PIP: variants seen among roughly 807,000 people sequenced by gnomAD.
PIP encodes prolactin-inducible protein.
In PIP, 9 loss-of-function variants were observed where a neutral mutation model predicts 12.8. The observed-to-expected ratio is 0.70, with a 90% CI of 0.42 to 1.23. The LOEUF (loss-of-function observed/expected upper bound fraction) is 1.23. Ranked by LOEUF, PIP falls within the 50% of genes most tolerant of loss-of-function variation. The pLI, the probability that PIP is intolerant of heterozygous loss-of-function variation, is 0.00. For missense variants in PIP, 172 were observed against 179.5 expected (o/e 0.96, Z 0.24); for synonymous variants, 60 against 66.1 (o/e 0.91, Z 0.45).
At chr7:143,139,051 C>A in intron 2 of PIP, 24 bp from the exon 3 acceptor site, 1 of 1,121,638 alleles carries the variant, frequency 8.9e-7, no homozygotes, top group Non-Finnish European at 1.4e-6. Flanking sequence ...CAATGAATTC[C>A]CCCTCCCACC....
rs768888440 is a variant in PIP, at chr7:143,139,536, C to G, written c.335C>G (p.Ala112Gly). The G allele has an allele frequency of 6.2e-7, 1 of 1,613,276 alleles. No homozygotes were observed. The highest frequency in any genetic ancestry group is 1.1e-5 in the South Asian group (1 of 91,064). The part of the protein sequence containing the change: ...FYTNRTVQIA[A>G]VVDVIRELGI... ...TTTTCAGGAACTGTGCAAATTGCAG[C>G]CGTCGTTGATGTTATTCGGGAATTA... The change falls in exon 4 of 4, where the codon GCC (alanine) becomes GGC (glycine). Residue 112 changes from alanine (A) to glycine (G), a missense_variant. Coordinates refer to ENST00000291009, the MANE Select transcript of PIP (RefSeq NM_002652.3).
chr7:143,136,918 A>C (rs1299370180), intron 2 of PIP, among the ~76,000 whole-genome samples: 1 of 151,852 alleles, frequency 6.6e-6, no homozygotes. Flanking sequence ...TCTAGTCAAC[A>C]AATTTTTATT....
chr7:143,132,121 G>A lies in PIP; in HGVS notation c.5G>A (p.Arg2His), dbSNP rs1438324505. Reference protein sequence around the residue: MRLLQLLFRASP... With the variant: MHLLQLLFRASP... ...TTGCCTTCTGTTTTCTCCAGCATGC[G>A]CTTGCTCCAGCTCCTGTTCAGGGCC... is the stretch of plus-strand genomic sequence containing the variant. Residue 2 changes from arginine (R) to histidine (H), a missense_variant, in exon 1 of 4, where the codon CGC becomes CAC. Physicochemically the swap from Arg to His is conservative, Grantham distance 29. Coordinates refer to ENST00000291009, the MANE Select transcript of PIP (RefSeq NM_002652.3). 12 of 1,612,506 alleles carry A rather than the reference G, an allele frequency of 7.4e-6. No individual in the cohort carries two copies. Among genetic ancestry groups the A allele is most frequent in the East Asian group, 2.2e-5 (1 of 44,866 alleles).
At chr7:143,135,102 C>A in intron 1 of PIP, 92 bp from the exon 2 acceptor site, 2 of 612,018 alleles carry the variant, frequency 3.3e-6, no homozygotes, top group Non-Finnish European at 3.0e-6. Context: ...CTCCCTTGCC[C>A]ATCCTGTGCC....
intron 2 of PIP, 112 bp downstream of exon 2, chr7:143,135,411 A>G: frequency 3.8e-6 from 2 of 519,756 alleles, no homozygotes; most frequent in South Asian, 6.4e-5. Flanking sequence ...AAACATTCTC[A>G]CTTATGTTAT....
intron 2 of PIP, among the ~76,000 whole-genome samples, chr7:143,135,806 T>G (rs1799304050): frequency 6.6e-6 from 1 of 152,042 alleles, no homozygotes; most frequent in Non-Finnish European, 1.5e-5. Context: ...AGAAGTGGAC[T>G]CTTGTTCCAG....
At chr7:143,137,049 G>T (rs1223467859) in intron 2 of PIP, among the ~76,000 whole-genome samples, 1 of 151,376 alleles carries the variant, frequency 6.6e-6, no homozygotes, top group Non-Finnish European at 1.5e-5. Flanking sequence ...TTCTGTAACT[G>T]AATTTTTGAA....
intron 2 of PIP, among the ~76,000 whole-genome samples, chr7:143,136,744 G>C (rs1226442833): frequency 6.6e-6 from 1 of 151,932 alleles, no homozygotes; most frequent in Non-Finnish European, 1.5e-5. Flanking sequence ...ATAATTTTGT[G>C]CTTTTGTGAT....
intron 1 of PIP, 82 bp downstream of exon 1, chr7:143,132,293 T>C: frequency 6.7e-7 from 1 of 1,496,682 alleles, no homozygotes; most frequent in South Asian, 1.2e-5. Flanking sequence ...TATCTCTTTC[T>C]GAGAATTTCT....
chr7:143,135,137 C>A, intron 1 of PIP, 57 bp from the exon 2 acceptor site: 1 of 875,770 alleles, frequency 1.1e-6, no homozygotes, highest in Non-Finnish European at 1.9e-6. Context: ...TGGCTCCCCC[C>A]TCACTCAAAG....
At chr7:143,133,777 T>C (rs1047112951) in intron 1 of PIP, among the ~76,000 whole-genome samples, 1 of 151,928 alleles carries the variant, frequency 6.6e-6, no homozygotes, top group Non-Finnish European at 1.5e-5. Flanking sequence ...TACAAATACC[T>C]CCAGTGCATT....
At chr7:143,137,366 T>C (rs956642439) in intron 2 of PIP, among the ~76,000 whole-genome samples, 3 of 152,134 alleles carry the variant, frequency 2.0e-5, no homozygotes, top group Non-Finnish European at 4.4e-5. Flanking sequence ...TGTGTTTCTT[T>C]ATGCACACAT....
intron 2 of PIP, among the ~76,000 whole-genome samples, chr7:143,137,671 G>A (rs980419975): frequency 1.3e-5 from 2 of 152,046 alleles, no homozygotes; most frequent in Admixed American, 6.6e-5. Context: ...AGGCCAAAGT[G>A]GGCAGATCAC....
At position 143,139,136 on chromosome 7, in the gene PIP, C is replaced by A; in HGVS notation, c.263C>A (p.Ala88Asp). 1 of 1,605,982 alleles carries A rather than the reference C, an allele frequency of 6.2e-7. No homozygotes were observed. Among genetic ancestry groups the A allele is most frequent in the Non-Finnish European group, 8.5e-7 (1 of 1,172,494 alleles). ...GGTGCATTTAACTATAAGTATACTG[C>A]CTGCCTATGTGACGACAATCCAAAA... is the stretch of plus-strand genomic sequence containing the variant. ...LQGAFNYKYTACLCDDNPKTF... is the reference protein window; with the variant it reads ...LQGAFNYKYTDCLCDDNPKTF... Residue 88 changes from alanine (A) to aspartate (D), a missense_variant, in exon 3 of 4, where the codon GCC becomes GAC. Physicochemically the swap from Ala to Asp is moderately radical, Grantham distance 126. Transcript: ENST00000291009.
rs928783795 is a variant in PIP at position 143,133,936 on chromosome 7, C to T, written c.96-1258C>T. Among the ~76,000 whole-genome samples the T allele has an allele frequency of 7.3e-5, 11 of 151,462 alleles. 1 individual carries two copies. The South Asian group carries it at 1.9e-3, about 26-fold the overall frequency. On this transcript the variant is annotated intron_variant, in intron 1 of 3. Coordinates refer to ENST00000291009, the MANE Select transcript of PIP (RefSeq NM_002652.3). ...CCCATCACCCGAGCAGTATACACTG[C>T]ACCATATTTGTAGTCTTTTAGCCCT...
Position 143,139,324 on chromosome 7 carries a change from G to C in PIP, c.316+135G>C, listed in dbSNP as rs141636920. ...AAGGACAGAAGGGAGGGAGGGAAGA[G>C]CATGGGGAGAGCAGATGGGGAAAGC... On this transcript the variant is annotated intron_variant, in intron 3 of 3. Transcript: ENST00000291009. 2.6e-4 allele frequency: 211 copies of C among 821,576 alleles called. 2 individuals carry two copies. In the African/African-American group the frequency reaches 3.2e-3, roughly 12 times the overall value. 50.9% of individuals were successfully genotyped at this position (821,576 alleles called of 1,614,324 possible).
intron 2 of PIP, 60 bp from the exon 3 acceptor site, chr7:143,139,015 C>T: frequency 1.1e-6 from 1 of 885,544 alleles, no homozygotes; most frequent in Non-Finnish European, 1.9e-6. Context: ...CCTATTTTTC[C>T]CTCCCTTACC....
chr7:143,133,635 T>C (rs1472824814), intron 1 of PIP, among the ~76,000 whole-genome samples: 1 of 151,964 alleles, frequency 6.6e-6, no homozygotes, highest in Admixed American at 6.6e-5. Context: ...TTGCAGTGTA[T>C]GGTCTAAATG....
At chr7:143,134,613 G>A (rs902834011) in intron 1 of PIP, among the ~76,000 whole-genome samples, 4 of 151,924 alleles carry the variant, frequency 2.6e-5, no homozygotes, top group Non-Finnish European at 4.4e-5. Context: ...TGATCAAGAG[G>A]TTTGCTGGTT....
Sources: allele counts gnomAD v4.1 joint callset (sites outside exome capture counted in the v4.1 genomes callset), GRCh38; gene constraint gnomAD v4.1.1; transcripts MANE v1.5; gene names NCBI Gene and HGNC (gene_info 2026-07-23, HGNC 2026-07-21).